Variants in WASF3 observed in about 807,000 individuals in gnomAD.
WASF3 encodes WASP family member 3, also known as actin-binding protein WASF3.
A neutral mutation model predicts 46.6 loss-of-function variants in WASF3; 11 were observed. That is an observed-to-expected ratio of 0.24 (90% CI 0.15 to 0.39). The LOEUF (loss-of-function observed/expected upper bound fraction) is 0.39. WASF3 is among the 10% of genes least tolerant of loss of function. The pLI, the probability that WASF3 is intolerant of heterozygous loss-of-function variation, is 1.00. For missense variants in WASF3, 576 were observed against 669.8 expected, an observed-to-expected ratio of 0.86 and a Z score of 1.55; for synonymous variants, 242 against 259.7, an observed-to-expected ratio of 0.93 and a Z score of 0.65.
chr13:26,659,171 G>A lies in WASF3; in HGVS notation c.134-5857G>A, dbSNP rs1225214554. On this transcript the variant is annotated intron_variant, in intron 3 of 9. Coordinates refer to ENST00000335327, the MANE Select transcript of WASF3 (RefSeq NM_006646.6). ...TGATGGCATTTAGCCAGGGCTGCTA[G>A]GAAAGCCTCACTTAGAAGGTGACAT... Among the ~76,000 whole-genome samples the A allele has an allele frequency of 1.3e-5, 2 of 152,198 alleles. 1 individual carries two copies. Among genetic ancestry groups the A allele is most frequent in the Admixed American group, 1.3e-4 (2 of 15,280 alleles).
At chr13:26,594,563 AC>A (rs1880403443) in intron 1 of WASF3, among the ~76,000 whole-genome samples, 1 of 152,142 alleles carries the variant, frequency 6.6e-6, no homozygotes, top group South Asian at 2.1e-4. Context: ...CGATTGTATT[AC>A]TGCCCTGTTG....
intron 1 of WASF3, among the ~76,000 whole-genome samples, chr13:26,595,659 C>T (rs2137191507): frequency 6.6e-6 from 1 of 152,322 alleles, no homozygotes; most frequent in Middle Eastern, 3.4e-3. Context: ...TTTGTACCCT[C>T]AGCCATCCTA....
intron 2 of WASF3, among the ~76,000 whole-genome samples, chr13:26,626,777 A>G (rs1881476859): frequency 1.3e-5 from 2 of 152,254 alleles, no homozygotes; most frequent in African/African-American, 2.4e-5. Flanking sequence ...ATGGGACATT[A>G]CATAATGATA....
chr13:26,627,745 A>G (rs1052341368), intron 2 of WASF3, among the ~76,000 whole-genome samples: 14 of 152,164 alleles, frequency 9.2e-5, no homozygotes, highest in African/African-American at 3.4e-4. Context: ...ATGCACTTAT[A>G]TATGTATATA....
intron 3 of WASF3, among the ~76,000 whole-genome samples, chr13:26,664,000 T>C (rs1882703249): frequency 6.6e-6 from 1 of 152,182 alleles, no homozygotes; most frequent in Non-Finnish European, 1.5e-5. Flanking sequence ...CACTTATTCA[T>C]TGAACAGGTG....
chr13:26,601,694 G>A (rs539483929), intron 1 of WASF3, among the ~76,000 whole-genome samples: 1 of 152,346 alleles, frequency 6.6e-6, no homozygotes, highest in African/African-American at 2.4e-5. Flanking sequence ...TACCCTTTCA[G>A]TGAGTAAATT....
chr13:26,563,953 TC>T (rs1879380329), intron 1 of WASF3, among the ~76,000 whole-genome samples: 1 of 152,200 alleles, frequency 6.6e-6, no homozygotes. Flanking sequence ...GGATCTTTTC[TC>T]AGGGTGCCCT....
chr13:26,554,127 C>CTTTCT (rs1425144925), upstream of WASF3, among the ~76,000 whole-genome samples: 7 of 132,932 alleles, frequency 5.3e-5, no homozygotes, highest in Non-Finnish European at 7.8e-5. Flanking sequence ...TTCTTTCTTT[C>CTTTCT]TTTCTTTCTT....
At chr13:26,565,586 C>T (rs540834674) in intron 1 of WASF3, among the ~76,000 whole-genome samples, 15 of 152,276 alleles carry the variant, frequency 9.9e-5, no homozygotes, top group Admixed American at 2.6e-4. Context: ...AGTTAATCAT[C>T]CTGGCTTTTG....
chr13:26,660,440 G>A (rs1363059524), intron 3 of WASF3, among the ~76,000 whole-genome samples: 1 of 152,008 alleles, frequency 6.6e-6, no homozygotes, highest in Non-Finnish European at 1.5e-5. Flanking sequence ...GATGGATGAG[G>A]CCTGAGAACT....
At position 26,682,272 on chromosome 13, in the gene WASF3, G is replaced by A. The variant is rs1256894508; in HGVS notation, c.984-335G>A. Among the ~76,000 whole-genome samples the A allele has an allele frequency of 2.6e-5, 4 of 152,164 alleles. No individual in the cohort carries two copies. The highest frequency in any genetic ancestry group is 1.3e-4 in the Admixed American group (2 of 15,276). On this transcript the variant is annotated intron_variant, in intron 8 of 9. Coordinates refer to ENST00000335327, the MANE Select transcript of WASF3 (RefSeq NM_006646.6). This position sits in a 1 kb window ranked among gnomAD's most constrained non-coding sequence, Gnocchi z 4.4. ...TTAAAAGACAAGTTTGTGAGCTACC[G>A]CCTTGAGATCCCAGTGTGAAGCCTT...
intron 9 of WASF3, among the ~76,000 whole-genome samples, chr13:26,685,303 G>A (rs1414907848): frequency 1.3e-5 from 2 of 152,158 alleles, no homozygotes; most frequent in Non-Finnish European, 2.9e-5. Context: ...GTCCTGTGGT[G>A]ATAGAAATGC....
chr13:26,679,986 C>T lies in WASF3; in HGVS notation c.717-1068C>T, dbSNP rs779477856. 2 of 1,569,302 alleles carry T rather than the reference C, an allele frequency of 1.3e-6. No individual in the cohort carries two copies. Among genetic ancestry groups the T allele is most frequent in the South Asian group, 1.2e-5 (1 of 86,530 alleles). ...CCAAAGATGGAAATGCAGCGTGCAT[C>T]TTCCCTGCTCCCTCAGCACCCCCAA... is the stretch of plus-strand genomic sequence containing the variant. On this transcript the variant is annotated intron_variant, in intron 7 of 9. Coordinates refer to ENST00000335327, the MANE Select transcript of WASF3 (RefSeq NM_006646.6). This position sits in a 1 kb window ranked among gnomAD's most constrained non-coding sequence, Gnocchi z 4.8.
chr13:26,598,273 AGT>A (rs1446147146), intron 1 of WASF3, among the ~76,000 whole-genome samples: 1 of 152,170 alleles, frequency 6.6e-6, no homozygotes, highest in African/African-American at 2.4e-5. Context: ...TCTTTTGAGA[AGT>A]GTCTGTTCAT....
At chr13:26,600,646 G>A (rs1880614984) in intron 1 of WASF3, among the ~76,000 whole-genome samples, 1 of 152,224 alleles carries the variant, frequency 6.6e-6, no homozygotes, top group Non-Finnish European at 1.5e-5. Flanking sequence ...CATGGGAGCT[G>A]GGGTGTCTCC....
chr13:26,580,924 A>G (rs1367991986), intron 1 of WASF3, among the ~76,000 whole-genome samples: 1 of 132,648 alleles, frequency 7.5e-6, no homozygotes, highest in Non-Finnish European at 1.6e-5. Flanking sequence ...TGCACCCAGC[A>G]TAAATTTCTT....
chr13:26,544,281 T>C, the WASF3 span, among the ~76,000 whole-genome samples: 1 of 152,252 alleles, frequency 6.6e-6, no homozygotes, highest in Non-Finnish European at 1.5e-5. Context: ...TGTTTTTTAC[T>C]CACTCTTCAT....
At chr13:26,539,747 T>C in the WASF3 span, among the ~76,000 whole-genome samples, 1 of 152,216 alleles carries the variant, frequency 6.6e-6, no homozygotes, top group African/African-American at 2.4e-5. Flanking sequence ...CCAGGTTCCT[T>C]GGTCTTGGTC....
intron 2 of WASF3, chr13:26,626,022 A>T (rs929174644): frequency 6.6e-5 from 10 of 152,202 alleles, no homozygotes; most frequent in African/African-American, 2.4e-4. Flanking sequence ...CACTAGCAGG[A>T]TGTGTTAAAG....
Sources: gnomAD v4.1 joint callset for allele counts (sites outside exome capture counted in the v4.1 genomes callset) on GRCh38, gnomAD v4.1.1 for gene constraint, Gnocchi (gnomAD v3.1) non-coding constraint, MANE v1.5 for transcripts, NCBI Gene and HGNC (gene_info 2026-07-23, HGNC 2026-07-21) for gene names.